The following ITGAV variants were observed in gnomAD, a reference collection of about 807,000 sequenced individuals.
ITGAV encodes integrin subunit alpha V.
In ITGAV, 76 loss-of-function variants were observed where a neutral mutation model predicts 143.8. The observed-to-expected ratio is 0.53, with a 90% CI of 0.44 to 0.64. ITGAV has a LOEUF of 0.64. Ranked by LOEUF, ITGAV falls within the 30% of genes least tolerant of loss-of-function variation. The pLI, the probability that ITGAV is intolerant of heterozygous loss-of-function variation, is 0.00. For missense variants in ITGAV, 1,193 were observed against 1,274.7 expected, an observed-to-expected ratio of 0.94 and a Z score of 0.98; for synonymous variants, 453 against 446.7, an observed-to-expected ratio of 1.01 and a Z score of -0.18.
At chr2:186,641,622 A>G in intron 12 of ITGAV, 34 bp downstream of exon 12, 1 of 1,569,404 alleles carries the variant, frequency 6.4e-7, no homozygotes, top group Non-Finnish European at 8.8e-7. Context: ...CAGGTCCCTG[A>G]TTATCTGTGT....
chr2:186,602,729 T>G (rs1450072372), intron 2 of ITGAV, among the ~76,000 whole-genome samples: 4 of 152,006 alleles, frequency 2.6e-5, no homozygotes, highest in Non-Finnish European at 5.9e-5. Context: ...ATACAAAAAT[T>G]TGCTGGGTGT....
intron 1 of ITGAV, among the ~76,000 whole-genome samples, chr2:186,599,767 C>T (rs61763622): frequency 3.1e-4 from 47 of 152,340 alleles, no homozygotes; most frequent in African/African-American, 1.1e-3. Flanking sequence ...CTTCTCTGCT[C>T]TCTAGGCTTT....
chr2:186,676,165 C>T (rs1689202780), intron 28 of ITGAV: 2 of 349,966 alleles, frequency 5.7e-6, no homozygotes, highest in Non-Finnish European at 1.0e-5. Context: ...TTAGTATATA[C>T]TAAATTATAT....
At chr2:186,650,110 G>A (rs1688384176) in intron 14 of ITGAV, among the ~76,000 whole-genome samples, 1 of 152,124 alleles carries the variant, frequency 6.6e-6, no homozygotes, top group African/African-American at 2.4e-5. Context: ...TTCATACAAT[G>A]TAATTATCAA....
chr2:186,650,040 AT>A (rs1688381455), intron 14 of ITGAV, among the ~76,000 whole-genome samples, 155 bp downstream of exon 14: 2 of 152,134 alleles, frequency 1.3e-5, no homozygotes, highest in East Asian at 3.8e-4. Context: ...AAATAGTATT[AT>A]TTTTATTGGT....
chr2:186,671,123 C>T (rs1294226325), intron 26 of ITGAV, among the ~76,000 whole-genome samples: 2 of 152,164 alleles, frequency 1.3e-5, no homozygotes, highest in Admixed American at 6.5e-5. Flanking sequence ...TGGACTATTG[C>T]CAGACCCCTG....
At chr2:186,596,005 CAG>C (rs1686740278) in intron 1 of ITGAV, among the ~76,000 whole-genome samples, 1 of 152,054 alleles carries the variant, frequency 6.6e-6, no homozygotes, top group African/African-American at 2.4e-5. Flanking sequence ...CTTTTAAAGA[CAG>C]AATTTAAGTT....
At chr2:186,653,029 T>C (rs910304643) in intron 15 of ITGAV, among the ~76,000 whole-genome samples, 2 of 140,374 alleles carry the variant, frequency 1.4e-5, no homozygotes, top group African/African-American at 5.3e-5. Context: ...CACTGCAAGC[T>C]CCGCTTCCCG....
chr2:186,667,063 T>C (rs1688918507), intron 22 of ITGAV, 87 bp from the exon 23 acceptor site: 3 of 949,972 alleles, frequency 3.2e-6, no homozygotes, highest in Non-Finnish European at 4.8e-6. Context: ...GTTTCGTTTG[T>C]TAATTTTTAG....
chr2:186,664,051 C>T (rs531174628), intron 19 of ITGAV, among the ~76,000 whole-genome samples: 5 of 152,242 alleles, frequency 3.3e-5, no homozygotes, highest in Admixed American at 6.5e-5. Context: ...TACCATTCAA[C>T]TTTGGGTAAT....
chr2:186,649,937 G>A lies in ITGAV; in HGVS notation c.1397+52G>A, dbSNP rs192525065. ...TAGGAATATTCTGAATTATTTGAAC[G>A]TTTTTTAATTAAGTGTCAGTGTTTG... is the stretch of plus-strand genomic sequence containing the variant. On this transcript the variant is annotated intron_variant, in intron 14 of 29. Coordinates refer to ENST00000261023, the MANE Select transcript of ITGAV (RefSeq NM_002210.5). The A allele has an allele frequency of 2.3e-5, 28 of 1,193,224 alleles. No individual in the cohort carries two copies. The East Asian group carries it at 4.8e-4, about 21-fold the overall frequency. The allele number at this position is 1,193,224 out of a possible 1,614,324, so 73.9% of individuals were successfully genotyped here. A position where few individuals can be genotyped will look rare whatever the true frequency, so the allele number is the denominator to read the frequency against.
At chr2:186,598,090 G>A (rs527435320) in intron 1 of ITGAV, among the ~76,000 whole-genome samples, 1 of 152,032 alleles carries the variant, frequency 6.6e-6, no homozygotes, top group Non-Finnish European at 1.5e-5. Flanking sequence ...CTCTCATTAG[G>A]ACTACTGTGG....
intron 16 of ITGAV, among the ~76,000 whole-genome samples, chr2:186,654,920 A>G (rs1688541893): frequency 6.6e-6 from 1 of 152,206 alleles, no homozygotes; most frequent in South Asian, 2.1e-4. Context: ...TATGGACATT[A>G]TGAGCTAAAT....
intron 6 of ITGAV, among the ~76,000 whole-genome samples, chr2:186,634,600 A>G (rs991268222): frequency 6.6e-6 from 1 of 152,148 alleles, no homozygotes. Flanking sequence ...AGGAGGGAAT[A>G]AAAAAATAGA....
intron 17 of ITGAV, among the ~76,000 whole-genome samples, chr2:186,658,602 T>C (rs1688652851): frequency 6.6e-6 from 1 of 152,118 alleles, no homozygotes; most frequent in Admixed American, 6.5e-5. Flanking sequence ...AAAATTAACG[T>C]AGGCTACATG....
intron 2 of ITGAV, among the ~76,000 whole-genome samples, chr2:186,620,462 G>A (rs114389321): frequency 2.0e-4 from 30 of 152,164 alleles, no homozygotes; most frequent in East Asian, 1.2e-3. Context: ...GAACTCTTCC[G>A]CATAAAAATA....
chr2:186,598,184 C>T (rs1381334040), intron 1 of ITGAV, among the ~76,000 whole-genome samples: 1 of 151,692 alleles, frequency 6.6e-6, no homozygotes. Context: ...AGTATGCACT[C>T]AAAAATCATT....
At position 186,677,521 on chromosome 2, in the gene ITGAV, A is replaced by T. The variant is rs1301615700; in HGVS notation, c.*229A>T. 1 of 418,134 alleles carries T rather than the reference A, an allele frequency of 2.4e-6. No individual in the cohort carries two copies. The highest frequency in any genetic ancestry group is 2.0e-5 in the African/African-American group (1 of 50,038). The allele number at this position is 418,134 out of a possible 1,614,324, so 25.9% of individuals were successfully genotyped here. A position where few individuals can be genotyped will look rare whatever the true frequency, so the allele number is the denominator to read the frequency against. Reference sequence around the variant, plus strand: ...TGTGTTTTTAGGTATTTAAATAATAAAATTTCAAGGGATAGTTTTTATTCA... The same window carrying T: ...TGTGTTTTTAGGTATTTAAATAATATAATTTCAAGGGATAGTTTTTATTCA... On this transcript the variant is annotated 3_prime_UTR_variant, in exon 30 of 30. Coordinates refer to ENST00000261023, the MANE Select transcript of ITGAV (RefSeq NM_002210.5).
intron 4 of ITGAV, among the ~76,000 whole-genome samples, chr2:186,626,670 C>T (rs1310755337): frequency 6.6e-6 from 1 of 152,140 alleles, no homozygotes; most frequent in African/African-American, 2.4e-5. Context: ...ATTTTCTTAG[C>T]CCAACACTTT....
Sources: allele counts gnomAD v4.1 joint callset (sites outside exome capture counted in the v4.1 genomes callset), GRCh38; gene constraint gnomAD v4.1.1; transcripts MANE v1.5; gene names NCBI Gene and HGNC (gene_info 2026-07-23, HGNC 2026-07-21).